Variants in TDRD5 observed in about 807,000 individuals in gnomAD.
The protein encoded by TDRD5 is tudor domain containing 5.
Under a neutral mutation model 120.6 loss-of-function variants are expected in TDRD5, and 41 were observed. The observed-to-expected ratio is 0.34, with a 90% CI of 0.26 to 0.44. TDRD5 has a LOEUF of 0.44. Among genes scored for constraint, TDRD5 ranks in the 20% least tolerant of loss-of-function variants. The pLI is 1.00. For synonymous variants in TDRD5, 430 were observed against 433.7 expected (o/e 0.99, Z 0.11); for missense variants, 1,006 against 1,221.2 (o/e 0.82, Z 2.63).
chr1:179,621,251 CT>C (rs1315190103), intron 6 of TDRD5, among the ~76,000 whole-genome samples, 160 bp downstream of exon 6: 2 of 151,984 alleles, frequency 1.3e-5, no homozygotes, highest in Non-Finnish European at 2.9e-5. Flanking sequence ...AGAATATGAT[CT>C]TTAACAAATA....
intron 4 of TDRD5, among the ~76,000 whole-genome samples, chr1:179,605,758 T>G (rs1199361806): frequency 1.3e-5 from 2 of 152,206 alleles, no homozygotes; most frequent in African/African-American, 2.4e-5. Context: ...CTTAGTAATA[T>G]GCATTTAAGG....
At chr1:179,642,442 T>C (rs1678102805) in intron 11 of TDRD5, among the ~76,000 whole-genome samples, 1 of 152,208 alleles carries the variant, frequency 6.6e-6, no homozygotes, top group South Asian at 2.1e-4. Flanking sequence ...TTAGGGCTTT[T>C]GCACATTCTA....
intron 17 of TDRD5, among the ~76,000 whole-genome samples, chr1:179,689,102 G>A (rs1470583655): frequency 6.6e-6 from 1 of 152,210 alleles, no homozygotes; most frequent in Non-Finnish European, 1.5e-5. Flanking sequence ...GTGAGGAGCT[G>A]CGTTCCTTTG....
intron 6 of TDRD5, 54 bp from the exon 7 acceptor site, chr1:179,630,706 ATATATGT>A (rs1677387081): frequency 1.3e-6 from 2 of 1,547,820 alleles, no homozygotes; most frequent in Admixed American, 1.8e-5. Flanking sequence ...AAGGACAACT[ATATATGT>A]TATATATCTG....
intron 11 of TDRD5, among the ~76,000 whole-genome samples, chr1:179,649,312 T>A (rs1390528432): frequency 6.6e-6 from 1 of 152,164 alleles, no homozygotes; most frequent in Non-Finnish European, 1.5e-5. Flanking sequence ...TTTCCCATAT[T>A]TATATTTGTA....
Position 179,650,899 on chromosome 1 carries a change from C to G in TDRD5, c.1833C>G (p.Phe611Leu). 1.2e-6 allele frequency: 2 copies of G among 1,614,034 alleles called. No individual in the cohort carries two copies. The highest frequency in any genetic ancestry group is 1.7e-6 in the Non-Finnish European group (2 of 1,180,006). ...EHWTSKAILQ[F>L]QKLCGLKPLV... ...GGACATCGAAAGCTATTTTGCAGTT[C>G]CAGAAGTTGTGCGGTTTGAAGCCAT... The change falls in exon 12 of 18, where the codon TTC becomes TTG. Residue 611 changes from phenylalanine to leucine, a missense_variant. Phe to Leu is a conservative substitution (Grantham distance 22, BLOSUM62 0). This residue lies in a region of TDRD5 where 158 missense variants were observed against 257.5 expected (regional missense o/e 0.61). Coordinates refer to ENST00000444136, the MANE Select transcript of TDRD5 (RefSeq NM_001199085.3).
intron 1 of TDRD5, 96 bp downstream of exon 1, chr1:179,592,221 C>CT: frequency 5.5e-6 from 1 of 182,724 alleles, no homozygotes; most frequent in South Asian, 1.2e-4. Flanking sequence ...GCGGGAGCGC[C>CT]TTTTTTCGTG....
intron 4 of TDRD5, among the ~76,000 whole-genome samples, chr1:179,600,787 A>C (rs1675662364): frequency 6.6e-6 from 1 of 152,210 alleles, no homozygotes; most frequent in Non-Finnish European, 1.5e-5. Flanking sequence ...CTATAGCTAC[A>C]TCTCCCAAAC....
At chr1:179,620,922 AT>A in intron 5 of TDRD5, 112 bp from the exon 6 acceptor site, 2 of 839,730 alleles carry the variant, frequency 2.4e-6, no homozygotes, top group South Asian at 4.3e-5. Context: ...TATGACTAAA[AT>A]TCATTTAATA....
At chr1:179,604,639 A>G (rs1572334993) in intron 4 of TDRD5, among the ~76,000 whole-genome samples, 2 of 152,200 alleles carry the variant, frequency 1.3e-5, no homozygotes, top group Non-Finnish European at 2.9e-5. Flanking sequence ...TTTTGACCCA[A>G]TGATCATTCA....
At chr1:179,687,997 C>T (rs1356215545) in intron 17 of TDRD5, among the ~76,000 whole-genome samples, 4 of 151,924 alleles carry the variant, frequency 2.6e-5, no homozygotes, top group Non-Finnish European at 2.9e-5. Flanking sequence ...ATTCTTTATC[C>T]AATTTGCTAG....
chr1:179,684,798 G>C (rs1680610804), intron 17 of TDRD5, among the ~76,000 whole-genome samples: 1 of 152,246 alleles, frequency 6.6e-6, no homozygotes, highest in South Asian at 2.1e-4. Flanking sequence ...CTGACGGCCA[G>C]TGATGCTGAA....
chr1:179,641,178 A>G (rs1459605867), intron 11 of TDRD5, among the ~76,000 whole-genome samples: 2 of 152,198 alleles, frequency 1.3e-5, no homozygotes, highest in African/African-American at 4.8e-5. Context: ...TGCTTAATCT[A>G]AATAACTTAT....
At chr1:179,684,695 C>T (rs1680605762) in intron 17 of TDRD5, among the ~76,000 whole-genome samples, 1 of 152,204 alleles carries the variant, frequency 6.6e-6, no homozygotes, top group Admixed American at 6.5e-5. Context: ...TTCTCCAAAT[C>T]CTCTCCAGCA....
chr1:179,688,141 G>A (rs1486945537), intron 17 of TDRD5, among the ~76,000 whole-genome samples: 1 of 152,140 alleles, frequency 6.6e-6, no homozygotes, highest in Admixed American at 6.5e-5. Flanking sequence ...TCCTAGCATT[G>A]ATGGTCTTTA....
chr1:179,668,908 A>G (rs1439326059), intron 16 of TDRD5, among the ~76,000 whole-genome samples: 4 of 151,770 alleles, frequency 2.6e-5, no homozygotes, highest in African/African-American at 7.2e-5. Context: ...ACGCCCAGCT[A>G]ATTTTTTTTG....
At chr1:179,651,831 C>G (rs1324403502) in intron 12 of TDRD5, among the ~76,000 whole-genome samples, 7 of 150,252 alleles carry the variant, frequency 4.7e-5, no homozygotes, top group Admixed American at 4.6e-4. Flanking sequence ...GAGAATTGCT[C>G]GAATCTGGGA....
chr1:179,649,786 C>T (rs753478577), intron 11 of TDRD5, among the ~76,000 whole-genome samples: 5 of 152,138 alleles, frequency 3.3e-5, no homozygotes, highest in East Asian at 1.9e-4. Flanking sequence ...ATGTACTGCT[C>T]GTTGTCTTTG....
intron 17 of TDRD5, among the ~76,000 whole-genome samples, chr1:179,687,134 T>G (rs2147824370): frequency 6.6e-6 from 1 of 152,344 alleles, no homozygotes; most frequent in East Asian, 1.9e-4. Context: ...ATTGTGATGT[T>G]AGGGTGTCAA....
Sources: allele counts gnomAD v4.1 joint callset (sites outside exome capture counted in the v4.1 genomes callset), GRCh38; gene constraint gnomAD v4.1.1; regional missense constraint gnomAD v4.1.1; transcripts MANE v1.5; gene names NCBI Gene and HGNC (gene_info 2026-07-23, HGNC 2026-07-21).